Variants in TAS2R1 observed in about 807,000 individuals in gnomAD.
The protein encoded by TAS2R1 is taste 2 receptor member 1, also known as taste receptor type 2 member 1.
For missense variants in TAS2R1, 370 were observed against 353.4 expected (o/e 1.05, Z -0.38); for synonymous variants, 141 against 134.2 (o/e 1.05, Z -0.35).
chr5:9,807,258 G>A, the TAS2R1 span, among the ~76,000 whole-genome samples: 1 of 152,134 alleles, frequency 6.6e-6, no homozygotes, highest in African/African-American at 2.4e-5. Context: ...GATAATAGAT[G>A]ATGGCATGGA....
chr5:9,810,020 T>A, the TAS2R1 span, among the ~76,000 whole-genome samples: 15 of 152,218 alleles, frequency 9.9e-5, no homozygotes, highest in Non-Finnish European at 1.9e-4. Flanking sequence ...TCTCTTACAC[T>A]CATTCTTTTA....
chr5:9,738,120 A>G, the TAS2R1 span, among the ~76,000 whole-genome samples: 1 of 152,188 alleles, frequency 6.6e-6, no homozygotes, highest in Non-Finnish European at 1.5e-5. Context: ...AAACACACCC[A>G]CTATTTCTCT....
intron 2 of TAS2R1, among the ~76,000 whole-genome samples, chr5:9,647,938 A>G (rs2126485994): frequency 6.6e-6 from 1 of 152,298 alleles, no homozygotes; most frequent in East Asian, 1.9e-4. Flanking sequence ...GCTTTTAGTC[A>G]ACTTTATTTT....
upstream of TAS2R1, among the ~76,000 whole-genome samples, chr5:9,632,247 CT>C (rs1279310225): frequency 6.6e-6 from 1 of 152,048 alleles, no homozygotes; most frequent in Non-Finnish European, 1.5e-5. Flanking sequence ...AGCACTATGT[CT>C]TAAAAAAAGA....
At chr5:9,707,662 G>A (rs1741645072) in intron 1 of TAS2R1, among the ~76,000 whole-genome samples, 1 of 151,898 alleles carries the variant, frequency 6.6e-6, no homozygotes, top group African/African-American at 2.4e-5. Flanking sequence ...TAGCCTGGGC[G>A]ACAGAGTGAG....
At chr5:9,673,839 G>A (rs1740817984) in intron 1 of TAS2R1, among the ~76,000 whole-genome samples, 1 of 152,042 alleles carries the variant, frequency 6.6e-6, no homozygotes, top group Non-Finnish European at 1.5e-5. Flanking sequence ...TAATGGAATG[G>A]CTCTGAAACA....
chr5:9,745,281 C>CACATGGTGAAA, the TAS2R1 span, among the ~76,000 whole-genome samples: 6 of 151,938 alleles, frequency 3.9e-5, no homozygotes, highest in Admixed American at 3.9e-4. Flanking sequence ...GAAAGACAAC[C>CACATGGTGAAA]GTTCAGTAAG....
the TAS2R1 span, among the ~76,000 whole-genome samples, chr5:9,756,691 G>A: frequency 9.9e-5 from 15 of 151,952 alleles, no homozygotes; most frequent in African/African-American, 2.2e-4. Flanking sequence ...GGTATTTTTC[G>A]GTGTAAAAGA....
intron 1 of TAS2R1, among the ~76,000 whole-genome samples, chr5:9,677,962 G>A (rs1740907543): frequency 6.6e-6 from 1 of 152,120 alleles, no homozygotes; most frequent in Admixed American, 6.5e-5. Flanking sequence ...AACTAAATGG[G>A]CAGCTGAGGT....
At chr5:9,891,420 T>C in the TAS2R1 span, among the ~76,000 whole-genome samples, 1 of 152,242 alleles carries the variant, frequency 6.6e-6, no homozygotes, top group South Asian at 2.1e-4. Context: ...AAATACTTTT[T>C]AAATTTAATT....
At chr5:9,706,402 TG>T (rs1412226456) in intron 1 of TAS2R1, among the ~76,000 whole-genome samples, 1 of 152,142 alleles carries the variant, frequency 6.6e-6, no homozygotes, top group Non-Finnish European at 1.5e-5. Context: ...AACTGTCCAG[TG>T]GGTAGACGGG....
the TAS2R1 span, among the ~76,000 whole-genome samples, chr5:9,903,203 A>T: frequency 2.0e-5 from 3 of 152,024 alleles, 1 homozygote; most frequent in African/African-American, 7.2e-5. Context: ...TTTTGTACAC[A>T]TTAACCATCC....
the TAS2R1 span, among the ~76,000 whole-genome samples, chr5:9,815,732 C>T: frequency 6.6e-6 from 1 of 151,874 alleles, no homozygotes; most frequent in African/African-American, 2.4e-5. Context: ...TATACATACT[C>T]AACATCTCAC....
intron 1 of TAS2R1, among the ~76,000 whole-genome samples, chr5:9,695,288 CAATAA>C (rs1251626046): frequency 6.6e-6 from 1 of 152,036 alleles, no homozygotes; most frequent in Non-Finnish European, 1.5e-5. Flanking sequence ...ATTCCCTTCT[CAATAA>C]AATAATGTTG....
chr5:9,902,683 TG>T, the TAS2R1 span: 2 of 152,058 alleles, frequency 1.3e-5, no homozygotes, highest in Non-Finnish European at 2.9e-5. Flanking sequence ...GAAGCCTCTT[TG>T]GAAAGTCACG....
intron 1 of TAS2R1, among the ~76,000 whole-genome samples, chr5:9,690,875 C>T (rs1741235979): frequency 6.6e-6 from 1 of 152,114 alleles, no homozygotes; most frequent in Admixed American, 6.6e-5. Context: ...AAAAACAAAA[C>T]AGAGCAAAGC....
chr5:9,760,941 T>G, the TAS2R1 span: 2 of 152,174 alleles, frequency 1.3e-5, no homozygotes, highest in African/African-American at 4.8e-5. Flanking sequence ...GCACCCGAGC[T>G]CGTCGATCTC....
At chr5:9,820,024 T>A in the TAS2R1 span, among the ~76,000 whole-genome samples, 1 of 152,118 alleles carries the variant, frequency 6.6e-6, no homozygotes, top group Non-Finnish European at 1.5e-5. Context: ...CACTTTGCCA[T>A]GCCTCAACCT....
chr5:9,726,893 A>C, the TAS2R1 span, among the ~76,000 whole-genome samples: 1 of 152,252 alleles, frequency 6.6e-6, no homozygotes, highest in African/African-American at 2.4e-5. Context: ...TGCATTCTCC[A>C]TAGAAGACTT....
Sources: gnomAD v4.1 joint callset for allele counts (sites outside exome capture counted in the v4.1 genomes callset) on GRCh38, gnomAD v4.1.1 for gene constraint, MANE v1.5 for transcripts, NCBI Gene and HGNC (gene_info 2026-07-23, HGNC 2026-07-21) for gene names.